SLCO3A1: variants seen among roughly 807,000 people sequenced by gnomAD.
SLCO3A1 encodes the protein PGE1 transporter.
In SLCO3A1, 27 loss-of-function variants were observed where a neutral mutation model predicts 63.1. That is an observed-to-expected ratio of 0.43 (90% CI 0.32 to 0.59). The LOEUF (loss-of-function observed/expected upper bound fraction) is 0.59. Ranked by LOEUF, SLCO3A1 falls within the 20% of genes least tolerant of loss-of-function variation. SLCO3A1 has a pLI of 0.09. For synonymous variants in SLCO3A1, 473 were observed against 409.9 expected, an observed-to-expected ratio of 1.15 and a Z score of -1.86; for missense variants, 773 against 945.8, an observed-to-expected ratio of 0.82 and a Z score of 2.40.
chr15:92,157,451 C>G (rs2048385658), intron 9 of SLCO3A1, among the ~76,000 whole-genome samples: 1 of 151,444 alleles, frequency 6.6e-6, no homozygotes, highest in African/African-American at 2.4e-5. Context: ...CCCTTCTGGA[C>G]ACACCTGATT....
At chr15:92,095,018 G>A in intron 3 of SLCO3A1, 39 bp downstream of exon 3, 1 of 1,390,298 alleles carries the variant, frequency 7.2e-7, no homozygotes, top group Non-Finnish European at 1.0e-6. Flanking sequence ...CCATCCGCAA[G>A]CGTTTCCTCC....
intron 2 of SLCO3A1, among the ~76,000 whole-genome samples, chr15:91,982,608 CG>C (rs2046001624): frequency 6.6e-6 from 1 of 152,216 alleles, no homozygotes; most frequent in Non-Finnish European, 1.5e-5. Context: ...GCCCTTGCCA[CG>C]GGCTCCCTCT....
At position 91,856,773 on chromosome 15, in the gene SLCO3A1, G is replaced by A. The variant is rs1234139816; in HGVS notation, c.180+2685G>A. Among the ~76,000 whole-genome samples the A allele has an allele frequency of 6.6e-6, 1 of 152,182 alleles. No homozygotes were observed. The highest frequency in any genetic ancestry group is 1.5e-5 in the Non-Finnish European group (1 of 68,038). On this transcript the variant is annotated intron_variant, in intron 1 of 9. Transcript: ENST00000318445. The surrounding 1 kb of genome is among the most constrained non-coding windows in gnomAD (Gnocchi z 4.9). ...AAGGACTTGCCTTGGGACAGTGCCA[G>A]TAATGCTCCCTTTCACAGAGAGGAG...
intron 2 of SLCO3A1, among the ~76,000 whole-genome samples, chr15:91,926,558 C>CGTGTGTGTGTGTGT (rs565234731): frequency 0.022 from 2,714 of 125,950 alleles, 63 homozygotes; most frequent in Admixed American, 0.038. Context: ...CCTGCCAAGC[C>CGTGTGTGTGTGTGT]GTGTGTGTGT....
intron 1 of SLCO3A1, among the ~76,000 whole-genome samples, chr15:91,864,803 A>T (rs1001671697): frequency 6.6e-6 from 1 of 152,146 alleles, no homozygotes; most frequent in Non-Finnish European, 1.5e-5. Context: ...TGCTTTTTGC[A>T]CCCGGTGAGC....
At chr15:91,939,885 G>A (rs922298414) in intron 2 of SLCO3A1, among the ~76,000 whole-genome samples, 1 of 152,024 alleles carries the variant, frequency 6.6e-6, no homozygotes, top group Admixed American at 6.6e-5. Context: ...TTCTTCCCAC[G>A]GGCCAGACAC....
At chr15:92,047,886 C>T (rs1341707763) in intron 2 of SLCO3A1, among the ~76,000 whole-genome samples, 1 of 151,542 alleles carries the variant, frequency 6.6e-6, no homozygotes, top group Non-Finnish European at 1.5e-5. Flanking sequence ...GTCCATCTTT[C>T]TCAAGCCAGG....
chr15:91,965,908 C>T (rs973725445), intron 2 of SLCO3A1, among the ~76,000 whole-genome samples: 2 of 152,102 alleles, frequency 1.3e-5, no homozygotes, highest in African/African-American at 4.8e-5. Flanking sequence ...TCCTTGCTTT[C>T]ATTGAAGGGA....
intron 5 of SLCO3A1, among the ~76,000 whole-genome samples, chr15:92,125,454 A>G (rs965590316): frequency 1.3e-5 from 2 of 152,112 alleles, no homozygotes; most frequent in South Asian, 2.1e-4. Context: ...AAAAATATAT[A>G]TGCCATTTAT....
At chr15:92,061,588 G>A (rs2047086633) in intron 2 of SLCO3A1, among the ~76,000 whole-genome samples, 1 of 152,236 alleles carries the variant, frequency 6.6e-6, no homozygotes, top group South Asian at 2.1e-4. Flanking sequence ...AGCTAATAGG[G>A]CTGTTGGCTG....
chr15:91,890,056 G>A (rs1897832913), intron 1 of SLCO3A1, among the ~76,000 whole-genome samples: 1 of 152,188 alleles, frequency 6.6e-6, no homozygotes, highest in South Asian at 2.1e-4. Flanking sequence ...AGGCATATCA[G>A]CATGTATATT....
chr15:91,910,789 A>G (rs995076837), intron 1 of SLCO3A1, among the ~76,000 whole-genome samples: 1 of 152,184 alleles, frequency 6.6e-6, no homozygotes, highest in Non-Finnish European at 1.5e-5. Flanking sequence ...TGTTAGAGTC[A>G]CCCAGGGAAC....
chr15:92,086,674 T>A (rs2047408333), intron 2 of SLCO3A1, among the ~76,000 whole-genome samples: 1 of 152,190 alleles, frequency 6.6e-6, no homozygotes, highest in Non-Finnish European at 1.5e-5. Context: ...GTTTTTTAAG[T>A]TTGTTTTAAG....
intron 2 of SLCO3A1, among the ~76,000 whole-genome samples, chr15:92,057,448 G>GA (rs2047035326): frequency 6.6e-6 from 1 of 152,072 alleles, no homozygotes; most frequent in Non-Finnish European, 1.5e-5. Flanking sequence ...ACAGTCCTTG[G>GA]AAAAAAACAA....
At chr15:91,951,520 G>A (rs933648360) in intron 2 of SLCO3A1, among the ~76,000 whole-genome samples, 2 of 150,504 alleles carry the variant, frequency 1.3e-5, no homozygotes, top group Non-Finnish European at 3.0e-5. Context: ...CCGATCACTC[G>A]TGTATAATTT....
intron 2 of SLCO3A1, among the ~76,000 whole-genome samples, chr15:92,011,026 G>C (rs2046363197): frequency 6.6e-6 from 1 of 152,196 alleles, no homozygotes; most frequent in Non-Finnish European, 1.5e-5. Context: ...GATCAAGTCA[G>C]TCCAATGCCT....
chr15:92,172,005 G>A (rs970137118), exon 11 of SLCO3A1: 2 of 656,716 alleles, frequency 3.0e-6, no homozygotes, highest in East Asian at 2.7e-5. Context: ...GTCCTTTGAG[G>A]CCCCAAGCGC....
rs538537383 is a variant in SLCO3A1 at position 92,047,780 on chromosome 15, G to A, written c.647-47101G>A. On this transcript the variant is annotated intron_variant, in intron 2 of 9. Transcript: ENST00000318445. ...TTTTGAAGTCCAGAATGTGTTCATC[G>A]GTTTGTAATCAGCCTAGTTATGGGC... Among the ~76,000 whole-genome samples, 28 of 149,742 alleles carry A rather than the reference G, an allele frequency of 1.9e-4. 1 individual carries two copies. The South Asian group carries it at 2.1e-3, about 11-fold the overall frequency.
At chr15:92,158,015 A>G (rs141597206) in intron 9 of SLCO3A1, among the ~76,000 whole-genome samples, 17 of 152,114 alleles carry the variant, frequency 1.1e-4, no homozygotes, top group Middle Eastern at 3.4e-3. Context: ...CCAGATGTGA[A>G]CTCCCTGTCT....
Sources: gnomAD v4.1 joint callset for allele counts (sites outside exome capture counted in the v4.1 genomes callset) on GRCh38, gnomAD v4.1.1 for gene constraint, Gnocchi (gnomAD v3.1) non-coding constraint, MANE v1.5 for transcripts, NCBI Gene and HGNC (gene_info 2026-07-23, HGNC 2026-07-21) for gene names.